The following PTPRT variants were observed in gnomAD, a reference collection of about 807,000 sequenced individuals.
PTPRT encodes the protein protein tyrosine phosphatase receptor type T.
PTPRT carries 56 observed loss-of-function variants against 176.8 expected under a neutral mutation model. The ratio of observed to expected loss-of-function variants is 0.32; its 90% CI spans 0.26 to 0.40. PTPRT has a LOEUF of 0.40. Among genes scored for constraint, PTPRT ranks in the 10% least tolerant of loss-of-function variants. PTPRT has a pLI of 1.00. For missense variants in PTPRT, 1,540 were observed against 1,908.2 expected, an observed-to-expected ratio of 0.81 and a Z score of 3.60; for synonymous variants, 783 against 739.0, an observed-to-expected ratio of 1.06 and a Z score of -0.96.
At chr20:43,184,374 T>C (rs924508551) in intron 1 of PTPRT, among the ~76,000 whole-genome samples, 1 of 152,140 alleles carries the variant, frequency 6.6e-6, no homozygotes, top group Non-Finnish European at 1.5e-5. Flanking sequence ...ACTGAAATAA[T>C]GCTCACATTT....
At chr20:42,052,047 C>T in the PTPRT span, among the ~76,000 whole-genome samples, 1 of 152,222 alleles carries the variant, frequency 6.6e-6, no homozygotes, top group South Asian at 2.1e-4. Context: ...TAACGCAAAT[C>T]TGCTTAGACT....
At chr20:42,653,957 G>C (rs1433153243) in intron 7 of PTPRT, among the ~76,000 whole-genome samples, 2 of 152,044 alleles carry the variant, frequency 1.3e-5, no homozygotes, top group Non-Finnish European at 2.9e-5. Flanking sequence ...TCAACATATT[G>C]CTTTTCCAGG....
intron 16 of PTPRT, among the ~76,000 whole-genome samples, chr20:42,183,881 C>A (rs1043037895): frequency 6.6e-6 from 1 of 152,132 alleles, no homozygotes; most frequent in Non-Finnish European, 1.5e-5. Context: ...AACACTTGCT[C>A]TGGGGGAAGA....
At chr20:42,547,463 A>T (rs1347657808) in intron 7 of PTPRT, among the ~76,000 whole-genome samples, 1 of 152,102 alleles carries the variant, frequency 6.6e-6, no homozygotes, top group African/African-American at 2.4e-5. Context: ...ATTATTTTCA[A>T]ATGAGGAAAT....
intron 8 of PTPRT, among the ~76,000 whole-genome samples, chr20:42,453,184 A>T (rs538280089): frequency 5.8e-4 from 89 of 152,172 alleles, no homozygotes; most frequent in Non-Finnish European, 1.1e-3. Flanking sequence ...GAAGAGTTTT[A>T]TAAAATTTCA....
At chr20:42,941,633 C>G (rs1221843105) in intron 1 of PTPRT, among the ~76,000 whole-genome samples, 1 of 152,172 alleles carries the variant, frequency 6.6e-6, no homozygotes, top group Admixed American at 6.5e-5. Flanking sequence ...TGTACCCTCC[C>G]GTCCTTCTGG....
intron 19 of PTPRT, among the ~76,000 whole-genome samples, chr20:42,124,193 G>A (rs1273638742): frequency 2.0e-5 from 3 of 152,148 alleles, no homozygotes; most frequent in Non-Finnish European, 2.9e-5. Flanking sequence ...CTGGGGATTC[G>A]CCAAGAGCGA....
intron 9 of PTPRT, among the ~76,000 whole-genome samples, chr20:42,393,570 T>G (rs16985524): frequency 0.068 from 10,351 of 152,194 alleles, 437 homozygotes; most frequent in African/African-American, 0.12. Flanking sequence ...ACACCATTTC[T>G]CAATAACACA....
At position 42,107,475 on chromosome 20, in the gene PTPRT, C is replaced by T. The variant is rs1002687035; in HGVS notation, c.3255-554G>A. 5.9e-5 allele frequency among the ~76,000 whole-genome samples: 9 copies of T among 152,336 alleles called. No homozygotes were observed. In the Middle Eastern group the frequency reaches 0.014, roughly 230 times the overall value. On this transcript the variant is annotated intron_variant, in intron 23 of 30. Transcript: ENST00000373187. ...CCGTCCGGAGACCCTTGTCAGGGAT[C>T]AAGTTTCTTGATACATACTTACTTG...
At chr20:42,212,416 CAAAAAAAAAA>C (rs34652089) in intron 15 of PTPRT, among the ~76,000 whole-genome samples, 3 of 90,608 alleles carry the variant, frequency 3.3e-5, no homozygotes, top group Non-Finnish European at 4.7e-5. Flanking sequence ...TCTTTTTTCT[CAAAAAAAAAA>C]AAAAAAAAAA....
At chr20:42,996,627 T>C (rs1389873833) in intron 1 of PTPRT, among the ~76,000 whole-genome samples, 1 of 152,102 alleles carries the variant, frequency 6.6e-6, no homozygotes, top group Non-Finnish European at 1.5e-5. Flanking sequence ...GTGACGGAGA[T>C]TATTAGAAAA....
rs1452415616 is a variant in PTPRT, at chr20:43,148,041, G to A, written c.88+41605C>T. The stretch of plus-strand genomic sequence containing the variant: ...CAAAGCAAGGGCTCTGTCTGTGGAA[G>A]CTGCAATAGGTGTCATGGAAGTGTA... On this transcript the variant is annotated intron_variant, in intron 1 of 30. Transcript: ENST00000373187. 2.0e-5 allele frequency among the ~76,000 whole-genome samples: 3 copies of A among 152,146 alleles called. No homozygotes were observed. The East Asian group carries it at 5.8e-4, about 29-fold the overall frequency.
At chr20:42,601,835 A>T (rs8121332) in intron 7 of PTPRT, among the ~76,000 whole-genome samples, 38,033 of 152,076 alleles carry the variant, frequency 0.25, 5,143 homozygotes, top group Non-Finnish European at 0.3. Flanking sequence ...GCTGGTTCCC[A>T]AGAACATCTC....
At chr20:42,206,419 G>T (rs1436229635) in intron 15 of PTPRT, among the ~76,000 whole-genome samples, 1 of 152,238 alleles carries the variant, frequency 6.6e-6, no homozygotes, top group African/African-American at 2.4e-5. Context: ...AGGTCAGTGG[G>T]TGCGCGCACC....
At chr20:42,921,283 A>T (rs530031922) in intron 1 of PTPRT, among the ~76,000 whole-genome samples, 1 of 152,218 alleles carries the variant, frequency 6.6e-6, no homozygotes, top group African/African-American at 2.4e-5. Flanking sequence ...AAGAAGGTAC[A>T]CTAAAGCAAG....
intron 14 of PTPRT, among the ~76,000 whole-genome samples, chr20:42,238,352 C>T (rs2056285790): frequency 6.6e-6 from 1 of 152,098 alleles, no homozygotes; most frequent in African/African-American, 2.4e-5. Context: ...AAGATCTGGC[C>T]ACATAGAAAA....
intron 2 of PTPRT, among the ~76,000 whole-genome samples, chr20:42,797,783 G>A (rs1259259685): frequency 6.6e-6 from 1 of 152,134 alleles, no homozygotes; most frequent in African/African-American, 2.4e-5. Flanking sequence ...GGCCAGGAGA[G>A]TCAGAATCAC....
At chr20:42,360,178 C>T (rs920927353) in intron 9 of PTPRT, among the ~76,000 whole-genome samples, 1 of 152,186 alleles carries the variant, frequency 6.6e-6, no homozygotes, top group African/African-American at 2.4e-5. Flanking sequence ...GCATATGGCT[C>T]TCTTCCCTGT....
rs561954523 is a variant in PTPRT, at chr20:43,073,509, C to T, written c.88+116137G>A. ...CACACACACACGTGTGCTATACACA[C>T]GTGTGTATATATATACATAGGTGTG... On this transcript the variant is annotated intron_variant, in intron 1 of 30. Transcript: ENST00000373187. 1.4e-3 allele frequency among the ~76,000 whole-genome samples: 215 copies of T among 150,726 alleles called. 2 individuals carry two copies. The highest frequency in any genetic ancestry group is 6.9e-3 in the Middle Eastern group (2 of 290).
Sources: gnomAD v4.1 joint callset for allele counts (sites outside exome capture counted in the v4.1 genomes callset) on GRCh38, gnomAD v4.1.1 for gene constraint, MANE v1.5 for transcripts, NCBI Gene and HGNC (gene_info 2026-07-23, HGNC 2026-07-21) for gene names.